Variants in PTPRM observed in about 807,000 individuals in gnomAD.
The protein encoded by PTPRM is protein tyrosine phosphatase receptor type M.
In PTPRM, 47 loss-of-function variants were observed where a neutral mutation model predicts 186.7. That is an observed-to-expected ratio of 0.25 (90% CI 0.20 to 0.32). The LOEUF is 0.32. PTPRM is among the 10% of genes least tolerant of loss of function. The pLI is 1.00. For missense variants in PTPRM, 1,494 were observed against 1,865.0 expected (o/e 0.80, Z 3.66); for synonymous variants, 668 against 674.9 (o/e 0.99, Z 0.16).
chr18:8,365,127 GC>G (rs768155290), intron 23 of PTPRM: 1 of 152,218 alleles, frequency 6.6e-6, no homozygotes, highest in Non-Finnish European at 1.5e-5. Context: ...TGTTCCAGAG[GC>G]CAAGCCTCCT....
chr18:7,900,140 A>C (rs1434355825), intron 3 of PTPRM, among the ~76,000 whole-genome samples: 1 of 152,216 alleles, frequency 6.6e-6, no homozygotes, highest in Non-Finnish European at 1.5e-5. Flanking sequence ...CTAGATAGTA[A>C]ATATTTCAGG....
chr18:7,600,449 C>T (rs765672384), intron 1 of PTPRM, among the ~76,000 whole-genome samples: 7 of 152,358 alleles, frequency 4.6e-5, no homozygotes, highest in Non-Finnish European at 8.8e-5. Context: ...CCCACACCAA[C>T]CCACAAGTGT....
chr18:7,701,460 C>T lies in PTPRM; in HGVS notation c.74-72689C>T, dbSNP rs569269476. On this transcript the variant is annotated intron_variant, in intron 1 of 32. Transcript: ENST00000580170. ...CTAAAAATAAAAAAAAGTAGCTGGG[C>T]GTGGTGGCGCGTGCGTGTAGTCCCA... 1.1e-4 allele frequency among the ~76,000 whole-genome samples: 17 copies of T among 151,668 alleles called. No individual in the cohort carries two copies. In the East Asian group the frequency reaches 2.3e-3, roughly 21 times the overall value.
At chr18:7,618,653 TCTTTTCATAGTTTGTACC>T (rs1456997057) in intron 1 of PTPRM, among the ~76,000 whole-genome samples, 8 of 152,218 alleles carry the variant, frequency 5.3e-5, no homozygotes, top group African/African-American at 1.4e-4. Context: ...TCCTCGTTCT[TCTTTTCATAGTTTGTACC>T]CTTTGATTTG....
At chr18:7,578,868 C>T (rs1407318906) in intron 1 of PTPRM, among the ~76,000 whole-genome samples, 1 of 152,088 alleles carries the variant, frequency 6.6e-6, no homozygotes, top group Non-Finnish European at 1.5e-5. Flanking sequence ...AATTAGTGGT[C>T]AGAATAAGAC....
Position 8,309,708 on chromosome 18 carries a change from T to C in PTPRM, c.2843-5073T>C, listed in dbSNP as rs79228976. Among the ~76,000 whole-genome samples, 621 of 152,096 alleles carry C rather than the reference T, an allele frequency of 4.1e-3. 2 individuals are homozygous for C. Among genetic ancestry groups the C allele is most frequent in the Non-Finnish European group, 6.0e-3 (407 of 68,004 alleles). ...ATTTTTATTTTTTATAGAGACAAGG[T>C]CTCTAAAAATAATAATAAAAATGTC... On this transcript the variant is annotated intron_variant, in intron 20 of 32. Coordinates refer to ENST00000580170, the MANE Select transcript of PTPRM (RefSeq NM_001105244.2).
intron 1 of PTPRM, among the ~76,000 whole-genome samples, chr18:7,671,180 C>G (rs879738749): frequency 1.3e-5 from 2 of 152,134 alleles, no homozygotes; most frequent in Non-Finnish European, 2.9e-5. Flanking sequence ...CATTCCCCAC[C>G]CCCGATTCAG....
intron 7 of PTPRM, among the ~76,000 whole-genome samples, chr18:7,999,919 G>A (rs955588864): frequency 1.3e-5 from 2 of 152,132 alleles, no homozygotes; most frequent in East Asian, 3.9e-4. Context: ...TGCTGGTGTG[G>A]TTCCAGTTGT....
intron 19 of PTPRM, among the ~76,000 whole-genome samples, chr18:8,286,004 A>G (rs2094953045): frequency 6.6e-6 from 1 of 152,206 alleles, no homozygotes; most frequent in Admixed American, 6.5e-5. Flanking sequence ...AATGATGCGA[A>G]ATTTCATTTG....
chr18:7,813,606 C>G (rs904711557), intron 2 of PTPRM, among the ~76,000 whole-genome samples: 1 of 152,134 alleles, frequency 6.6e-6, no homozygotes, highest in Non-Finnish European at 1.5e-5. Context: ...GTGCCTTCAA[C>G]TCTGGGTACT....
chr18:7,665,703 G>T (rs1304706999), intron 1 of PTPRM, among the ~76,000 whole-genome samples: 1 of 152,030 alleles, frequency 6.6e-6, no homozygotes, highest in Non-Finnish European at 1.5e-5. Context: ...GAGGGGGGTG[G>T]ATCATGAGGT....
intron 11 of PTPRM, among the ~76,000 whole-genome samples, chr18:8,112,272 G>A (rs937869306): frequency 3.9e-5 from 6 of 152,206 alleles, no homozygotes; most frequent in Non-Finnish European, 7.3e-5. Context: ...CACACATTTT[G>A]TTTCTGTAAT....
At chr18:7,705,830 A>T (rs988114981) in intron 1 of PTPRM, among the ~76,000 whole-genome samples, 1 of 151,702 alleles carries the variant, frequency 6.6e-6, no homozygotes, top group African/African-American at 2.4e-5. Context: ...AATAGCTGGA[A>T]CTACAAGTGC....
intron 7 of PTPRM, among the ~76,000 whole-genome samples, chr18:8,025,764 A>G (rs73385641): frequency 0.022 from 3,322 of 152,320 alleles, 119 homozygotes; most frequent in African/African-American, 0.076. Flanking sequence ...GGATAAAAAC[A>G]AGGATTTGAA....
intron 7 of PTPRM, among the ~76,000 whole-genome samples, chr18:7,974,331 T>C (rs990844325): frequency 2.0e-4 from 31 of 152,198 alleles, no homozygotes; most frequent in Non-Finnish European, 1.5e-5. Flanking sequence ...GACACAGCTT[T>C]CTAGTTTCTA....
intron 26 of PTPRM, chr18:8,377,701 AAAGTCAGTGCCAAATCAGAATTAG>A (rs2095705573): frequency 6.6e-6 from 1 of 152,244 alleles, no homozygotes; most frequent in Non-Finnish European, 1.5e-5. Context: ...AATTTTAAGA[AAAGTCAGTGCCAAATCAGAATTAG>A]AGGCCCCATA....
intron 23 of PTPRM, chr18:8,365,058 C>G (rs1283996663): frequency 6.6e-6 from 1 of 152,214 alleles, no homozygotes; most frequent in Non-Finnish European, 1.5e-5. Context: ...CTCCACCCGT[C>G]TCCAGTTCTG....
intron 1 of PTPRM, among the ~76,000 whole-genome samples, chr18:7,763,965 A>G (rs1354687990): frequency 1.3e-5 from 2 of 150,038 alleles, no homozygotes; most frequent in Non-Finnish European, 3.0e-5. Flanking sequence ...TTTTTTTTTA[A>G]TTAATTTCCT....
At chr18:8,172,497 C>T (rs997806793) in intron 14 of PTPRM, among the ~76,000 whole-genome samples, 9 of 151,978 alleles carry the variant, frequency 5.9e-5, no homozygotes, top group Admixed American at 1.3e-4. Context: ...GTACTTACAA[C>T]AGTGCATACT....
Sources: gnomAD v4.1 joint callset for allele counts (sites outside exome capture counted in the v4.1 genomes callset) on GRCh38, gnomAD v4.1.1 for gene constraint, MANE v1.5 for transcripts, NCBI Gene and HGNC (gene_info 2026-07-23, HGNC 2026-07-21) for gene names.